VPS35L: variants seen among roughly 807,000 people sequenced by gnomAD.
VPS35L encodes VPS35 endosomal protein-sorting factor-like.
A neutral mutation model predicts 133.0 loss-of-function variants in VPS35L; 83 were observed. The observed-to-expected ratio is 0.62, with a 90% CI of 0.52 to 0.75. The LOEUF is 0.75. Among genes scored for constraint, VPS35L ranks in the 30% least tolerant of loss-of-function variants. The pLI, the probability that VPS35L is intolerant of heterozygous loss-of-function variation, is 0.00. For synonymous variants in VPS35L, 423 were observed against 449.9 expected, an observed-to-expected ratio of 0.94 and a Z score of 0.76; for missense variants, 1,083 against 1,206.8, an observed-to-expected ratio of 0.90 and a Z score of 1.52.
intron 27 of VPS35L, among the ~76,000 whole-genome samples, 176 bp from the exon 28 acceptor site, chr16:19,682,049 A>G (rs980483019): frequency 6.6e-6 from 1 of 151,994 alleles, no homozygotes; most frequent in African/African-American, 2.4e-5. Context: ...ACGTTTTGTC[A>G]TTTTCCTCTG....
In VPS35L at chr16:19,647,185, C is replaced by T. The variant is rs565473743; in HGVS notation, c.1930-599C>T. Among the ~76,000 whole-genome samples, 30 of 152,270 alleles carry T rather than the reference C, an allele frequency of 2.0e-4. No individual in the cohort carries two copies. In the East Asian group the frequency reaches 5.2e-3, roughly 26 times the overall value. ...CTCCTTTGCCCTTGCTTTTTGTACT[C>T]ATCATGTGGTATTTATCTTTTTACG... On this transcript the variant is annotated intron_variant, in intron 23 of 30. Coordinates refer to ENST00000417362, the MANE Select transcript of VPS35L (RefSeq NM_020314.7).
chr16:19,652,311 A>G (rs1974157994), intron 26 of VPS35L: 1 of 473,474 alleles, frequency 2.1e-6, no homozygotes, highest in Non-Finnish European at 3.8e-6. Flanking sequence ...CTGCAGGCGC[A>G]CACCACCACA....
At chr16:19,585,855 A>G (rs1156892460) in intron 7 of VPS35L, among the ~76,000 whole-genome samples, 4 of 152,152 alleles carry the variant, frequency 2.6e-5, no homozygotes, top group Non-Finnish European at 5.9e-5. Context: ...TGTCTATTCA[A>G]TGCCTGCCCA....
intron 28 of VPS35L, among the ~76,000 whole-genome samples, chr16:19,682,908 C>CTTGATTGA (rs34929537): frequency 2.1e-4 from 32 of 151,608 alleles, no homozygotes; most frequent in African/African-American, 2.9e-4. Context: ...CCATCCTGCC[C>CTTGATTGA]TTGATTGATT....
At chr16:19,616,952 T>C in intron 14 of VPS35L, 144 bp downstream of exon 14, 6 of 1,233,998 alleles carry the variant, frequency 4.9e-6, no homozygotes, top group Non-Finnish European at 6.9e-6. Context: ...GGGCTTGCCA[T>C]GGTGGCTGGC....
rs1207901573 is a variant in VPS35L, at chr16:19,594,669, AAAG to A, written c.724+2800_724+2802del. Reference sequence around the variant, plus strand: ...CAAAAAAAAAAAAAAAAAAAAAAAAAAAGAAGAGAAAAAAAATCCTCGCCTTTG... The same window carrying A: ...CAAAAAAAAAAAAAAAAAAAAAAAAAAAGAGAAAAAAAATCCTCGCCTTTG... On this transcript the variant is annotated intron_variant, in intron 8 of 30. Coordinates refer to ENST00000417362, the MANE Select transcript of VPS35L (RefSeq NM_020314.7). 6.9e-3 allele frequency among the ~76,000 whole-genome samples: 751 copies of A among 109,568 alleles called. 37 individuals carry two copies. Among genetic ancestry groups the A allele is most frequent in the African/African-American group, 0.022 (556 of 25,378 alleles). 71.9% of individuals were successfully genotyped at this position (109,568 alleles called of 152,430 possible). A position where few individuals can be genotyped will look rare whatever the true frequency, so the allele number is the denominator to read the frequency against.
Position 19,569,074 on chromosome 16 carries a change from C to T in VPS35L, c.118-350C>T, listed in dbSNP as rs549583128. On this transcript the variant is annotated intron_variant, in intron 2 of 30. Transcript: ENST00000417362. ...TAGTCTCTAGTTAGTGGGTAGTTGG[C>T]GATTTGCAACTGATTAAGCTTAAGT... is the stretch of plus-strand genomic sequence containing the variant. 7.9e-5 allele frequency among the ~76,000 whole-genome samples: 12 copies of T among 152,174 alleles called. No homozygotes were observed. In the South Asian group the frequency reaches 1.0e-3, roughly 13 times the overall value.
intron 28 of VPS35L, among the ~76,000 whole-genome samples, chr16:19,685,867 A>C (rs1208341219): frequency 6.6e-6 from 1 of 152,128 alleles, no homozygotes; most frequent in Non-Finnish European, 1.5e-5. Flanking sequence ...TGAGGCTATC[A>C]CAGGAGCATG....
chr16:19,679,148 T>TG (rs1555507521), intron 27 of VPS35L, among the ~76,000 whole-genome samples: 32 of 3,156 alleles, frequency 0.01, no homozygotes, highest in Admixed American at 0.091. Context: ...GGGGCGGGGG[T>TG]GGGGAGGCGG....
intron 18 of VPS35L, among the ~76,000 whole-genome samples, chr16:19,631,864 A>T (rs1175757084): frequency 6.6e-6 from 1 of 151,276 alleles, no homozygotes; most frequent in East Asian, 2.0e-4. Flanking sequence ...ACATGTGGAG[A>T]TGTAGAGATG....
intron 7 of VPS35L, among the ~76,000 whole-genome samples, chr16:19,591,238 T>C (rs1483346088): frequency 6.6e-6 from 1 of 152,102 alleles, no homozygotes; most frequent in Non-Finnish European, 1.5e-5. Context: ...CTGATCACCC[T>C]GAAATCAACA....
intron 1 of VPS35L, among the ~76,000 whole-genome samples, chr16:19,558,700 C>G (rs1970935266): frequency 6.6e-6 from 1 of 151,890 alleles, no homozygotes; most frequent in Non-Finnish European, 1.5e-5. Flanking sequence ...GCGGGTGGAT[C>G]ACTTGATGTC....
intron 14 of VPS35L, 27 bp downstream of exon 14, chr16:19,616,835 C>CGTCA (rs1567426638): frequency 1.2e-6 from 2 of 1,614,086 alleles, no homozygotes; most frequent in Non-Finnish European, 1.7e-6. Context: ...TTCAGTGTGA[C>CGTCA]GCTCACCTCC....
chr16:19,568,843 A>G (rs1445788616), intron 2 of VPS35L, among the ~76,000 whole-genome samples: 1 of 152,092 alleles, frequency 6.6e-6, no homozygotes, highest in African/African-American at 2.4e-5. Context: ...ATAGGACTTC[A>G]CCATGTTGCC....
intron 19 of VPS35L, among the ~76,000 whole-genome samples, chr16:19,635,758 T>G (rs1973604307): frequency 6.6e-6 from 1 of 152,230 alleles, no homozygotes; most frequent in Admixed American, 6.5e-5. Flanking sequence ...GAAAAAATAG[T>G]ATGTTTTGCA....
chr16:19,682,834 C>T (rs1372893175), intron 28 of VPS35L, among the ~76,000 whole-genome samples: 1 of 152,174 alleles, frequency 6.6e-6, no homozygotes, highest in Non-Finnish European at 1.5e-5. Context: ...TGTACTCCAG[C>T]CTGGGCAACA....
chr16:19,555,783 CTGTCCTTACTTG>C, intron 1 of VPS35L, 37 bp downstream of exon 1: 1 of 1,545,682 alleles, frequency 6.5e-7, no homozygotes, highest in Non-Finnish European at 8.7e-7. Flanking sequence ...TGGAGAGGGG[CTGTCCTTACTTG>C]TGATGGGGTC....
rs112234893 is a variant in VPS35L, at chr16:19,672,192, A to G, written c.2361+2893A>G. On this transcript the variant is annotated intron_variant, in intron 27 of 30. Transcript: ENST00000417362. Reference sequence around the variant, plus strand: ...GGTCTTGAACTCCTGGCCTCAAGCAATCCTCCTCCCTCACCCTCCCCAGTA... The same window carrying G: ...GGTCTTGAACTCCTGGCCTCAAGCAGTCCTCCTCCCTCACCCTCCCCAGTA... Among the ~76,000 whole-genome samples, 536 of 152,212 alleles carry G rather than the reference A, an allele frequency of 3.5e-3. 4 individuals carry two copies. The highest frequency in any genetic ancestry group is 0.012 in the African/African-American group (507 of 41,536).
chr16:19,681,824 C>T (rs1239086608), intron 27 of VPS35L, among the ~76,000 whole-genome samples: 1 of 152,148 alleles, frequency 6.6e-6, no homozygotes, highest in Admixed American at 6.5e-5. Flanking sequence ...GTGGCTTCTA[C>T]CGTTCCATCT....
Sources: allele counts gnomAD v4.1 joint callset (sites outside exome capture counted in the v4.1 genomes callset), GRCh38; gene constraint gnomAD v4.1.1; transcripts MANE v1.5; gene names NCBI Gene and HGNC (gene_info 2026-07-23, HGNC 2026-07-21).